PLOD1: variants seen among roughly 807,000 people sequenced by gnomAD.
PLOD1 encodes the protein procollagen-lysine,2-oxoglutarate 5-dioxygenase 1.
Under a neutral mutation model 94.7 loss-of-function variants are expected in PLOD1, and 70 were observed. The ratio of observed to expected loss-of-function variants is 0.74; its 90% CI spans 0.61 to 0.90. PLOD1 has a LOEUF of 0.90. Among genes scored for constraint, PLOD1 ranks in the 40% least tolerant of loss-of-function variants. The pLI is 0.00. For missense variants in PLOD1, 905 were observed against 972.7 expected, an observed-to-expected ratio of 0.93 and a Z score of 0.93; for synonymous variants, 417 against 400.2, an observed-to-expected ratio of 1.04 and a Z score of -0.50.
chr1:11,944,434 C>CACAA lies in PLOD1; in HGVS notation c.77-3539_77-3538insAACA, dbSNP rs1399456596. On this transcript the variant is annotated intron_variant, in intron 1 of 18. Coordinates refer to ENST00000196061, the MANE Select transcript of PLOD1 (RefSeq NM_000302.4). Reference sequence around the variant, plus strand: ...GCGCATGCACGCGTACACACACACACACACACACACACACACACACTCACT... The same window carrying CACAA: ...GCGCATGCACGCGTACACACACACACACAAACACACACACACACACACACTCACT... 54 of 785,696 alleles carry CACAA rather than the reference C, an allele frequency of 6.9e-5. No individual in the cohort carries two copies. The East Asian group carries it at 9.2e-4, about 13-fold the overall frequency. 48.7% of individuals were successfully genotyped at this position (785,696 alleles called of 1,614,324 possible).
chr1:11,939,067 C>T (rs7513651), intron 1 of PLOD1, among the ~76,000 whole-genome samples: 9,639 of 152,274 alleles, frequency 0.063, 358 homozygotes, highest in East Asian at 0.084. Flanking sequence ...AGATCTCCAG[C>T]TCCTGCCTTT....
At chr1:11,936,851 C>CTTTT (rs111736832) in intron 1 of PLOD1, among the ~76,000 whole-genome samples, 35 of 141,014 alleles carry the variant, frequency 2.5e-4, no homozygotes, top group African/African-American at 8.4e-4. Flanking sequence ...TCTTTTCTTT[C>CTTTT]TTTTTTTTTT....
intron 1 of PLOD1, among the ~76,000 whole-genome samples, chr1:11,936,430 C>T (rs1449121659): frequency 6.6e-6 from 1 of 151,634 alleles, no homozygotes; most frequent in African/African-American, 2.4e-5. Context: ...TCTCCTCCTT[C>T]AGCTTACCCT....
chr1:11,949,691 A>G, intron 2 of PLOD1, 82 bp from the exon 3 acceptor site: 3 of 1,465,016 alleles, frequency 2.0e-6, no homozygotes, highest in African/African-American at 1.4e-5. Flanking sequence ...AAGTGCTGGG[A>G]TTACCAGCAT....
Position 11,970,709 on chromosome 1 carries a change from A to C in PLOD1, c.1795A>C (p.Ile599Leu), listed in dbSNP as rs1205456087. The change falls in exon 17 of 19, where the codon ATT becomes CTT. Residue 599 changes from isoleucine to leucine, a missense_variant. Transcript: ENST00000196061. Reference sequence around the variant, plus strand: ...GGGTGGCTACGAGAACGTGCCGACTATTGACATCCACATGAACCAGATCGG... The same window carrying C: ...GGGTGGCTACGAGAACGTGCCGACTCTTGACATCCACATGAACCAGATCGG... ...IQGGYENVPT[I>L]DIHMNQIGFE... 6.2e-7 allele frequency: 1 copy of C among 1,612,936 alleles called. No homozygotes were observed. The highest frequency in any genetic ancestry group is 1.3e-5 in the African/African-American group (1 of 74,626).
intron 1 of PLOD1, among the ~76,000 whole-genome samples, chr1:11,942,321 C>G (rs938393140): frequency 6.6e-6 from 1 of 152,136 alleles, no homozygotes; most frequent in African/African-American, 2.4e-5. Context: ...CCAGAATGTA[C>G]AGTGTGTCTT....
chr1:11,968,443 C>T lies in PLOD1; in HGVS notation c.1755+1352C>T, dbSNP rs968791011. Among the ~76,000 whole-genome samples the T allele has an allele frequency of 3.4e-4, 51 of 151,998 alleles. 1 individual carries two copies. Among genetic ancestry groups the T allele is most frequent in the Non-Finnish European group, 2.2e-4 (15 of 68,012 alleles). On this transcript the variant is annotated intron_variant, in intron 16 of 18. Transcript: ENST00000196061. ...AGAGAAACTGCAGAAAGGAATTTTTCGTCTCCTGACAGTTTTACAACATTC... is the reference window on the plus strand; with the variant it reads ...AGAGAAACTGCAGAAAGGAATTTTTTGTCTCCTGACAGTTTTACAACATTC...
chr1:11,954,716 G>C (rs899265667), intron 5 of PLOD1, 114 bp from the exon 6 acceptor site: 2 of 843,616 alleles, frequency 2.4e-6, no homozygotes, highest in Admixed American at 3.4e-5. Context: ...TGGCAGAGTC[G>C]GTGTGGGGAA....
chr1:11,941,170 A>G (rs1407335007), intron 1 of PLOD1, among the ~76,000 whole-genome samples: 6 of 152,238 alleles, frequency 3.9e-5, no homozygotes, highest in Non-Finnish European at 5.9e-5. Flanking sequence ...AACATGCCTC[A>G]TACAGCACAC....
At chr1:11,964,061 T>G (rs1645798169) in intron 11 of PLOD1, 114 bp from the exon 12 acceptor site, 2 of 1,094,392 alleles carry the variant, frequency 1.8e-6, no homozygotes. Context: ...AGTGAGGTGC[T>G]TGGGGATCCC....
rs111398100 is a variant in PLOD1 at position 11,960,769 on chromosome 1, T to A, written c.1097+2T>A. 1.2e-6 allele frequency: 2 copies of A among 1,612,194 alleles called. No individual in the cohort carries two copies. Among genetic ancestry groups the A allele is most frequent in the Non-Finnish European group, 1.7e-6 (2 of 1,179,828 alleles). ...TGCAGATGCCAGGAACATGGGCGCGTGAGTTGTGGGCCACAGTACTCTCCA... is the reference window on the plus strand; with the variant it reads ...TGCAGATGCCAGGAACATGGGCGCGAGAGTTGTGGGCCACAGTACTCTCCA... On this transcript the variant is annotated splice_donor_variant, in intron 10 of 18. Coordinates refer to ENST00000196061, the MANE Select transcript of PLOD1 (RefSeq NM_000302.4). LOFTEE classifies it high-confidence loss of function.
intron 1 of PLOD1, among the ~76,000 whole-genome samples, chr1:11,936,213 C>T (rs7521172): frequency 0.084 from 12,775 of 151,940 alleles, 624 homozygotes; most frequent in African/African-American, 0.14. Context: ...GTGGTTGGTC[C>T]GAGGTCAGCT....
chr1:11,957,897 G>A lies in PLOD1; in HGVS notation c.797G>A (p.Gly266Asp), dbSNP rs558752942. ...CCGCGCTTCTGGACCTTCGAAACAG[G>A]CTGCACCGTGTGTGACGAAGGCTTG... is the stretch of plus-strand genomic sequence containing the variant. ...YIPRFWTFET[G>D]CTVCDEGLRS... is the part of the protein sequence containing the mutation. Residue 266 changes from glycine (G) to aspartate (D), a missense_variant, in exon 8 of 19, where the codon GGC (glycine) becomes GAC (aspartate). Transcript: ENST00000196061. This position sits in a 1 kb window ranked among gnomAD's most constrained non-coding sequence, Gnocchi z 4.1. 14 of 1,614,078 alleles carry A rather than the reference G, an allele frequency of 8.7e-6. No individual in the cohort carries two copies. The East Asian group carries it at 2.5e-4, about 28-fold the overall frequency.
In PLOD1 at chr1:11,960,656, A is replaced by G. The variant is rs944966464; in HGVS notation, c.986A>G (p.His329Arg). The change falls in exon 10 of 19, where the codon CAC becomes CGC. Residue 329 changes from histidine to arginine, a missense_variant. Physicochemically the swap from His to Arg is conservative, Grantham distance 29 (BLOSUM62 0). Transcript: ENST00000196061. ...RLFIHNHEQH[H>R]KAQVEEFLAQ... ...CATCCCCAACCCCAGGAGCAGCACC[A>G]CAAGGCTCAGGTGGAAGAGTTCCTG... The G allele has an allele frequency of 3.1e-6, 5 of 1,602,550 alleles. No homozygotes were observed. In the African/African-American group the frequency reaches 4.0e-5, roughly 13 times the overall value.
In PLOD1 at chr1:11,947,134, T is replaced by C. The variant is rs897592372; in HGVS notation, c.77-842T>C. 2.0e-5 allele frequency among the ~76,000 whole-genome samples: 3 copies of C among 151,578 alleles called. No homozygotes were observed. In the South Asian group the frequency reaches 6.2e-4, roughly 32 times the overall value. ...AAATACAAAAATTAGCTGGGCATGG[T>C]GGCGAGTGCCTGTAGTCCCAGCTAC... is the stretch of plus-strand genomic sequence containing the variant. On this transcript the variant is annotated intron_variant, in intron 1 of 18. Transcript: ENST00000196061.
At chr1:11,964,341 A>C in intron 12 of PLOD1, 41 bp downstream of exon 12, 1 of 1,581,580 alleles carries the variant, frequency 6.3e-7, no homozygotes, top group Non-Finnish European at 8.7e-7. Context: ...GGACACCTTC[A>C]TCTGGCTTCT....
chr1:11,947,859 G>T, intron 1 of PLOD1, 117 bp from the exon 2 acceptor site: 1 of 744,766 alleles, frequency 1.3e-6, no homozygotes, highest in East Asian at 2.5e-5. Flanking sequence ...GTTCTGTAAT[G>T]GGTTGACATG....
intron 1 of PLOD1, chr1:11,944,707 C>G: frequency 1.6e-6 from 2 of 1,250,684 alleles, no homozygotes; most frequent in Non-Finnish European, 2.1e-6. Context: ...GTATCCACCC[C>G]CTCCTCCCCC....
intron 10 of PLOD1, among the ~76,000 whole-genome samples, chr1:11,962,274 C>CTTTTTTTTTTTTTTTTTTTT (rs780613164): frequency 1.6e-4 from 16 of 99,090 alleles, no homozygotes; most frequent in Non-Finnish European, 2.8e-4. Context: ...TTTTTGTTTT[C>CTTTTTTTTTTTTTTTTTTTT]TTTTTTTTTT....
Sources: gnomAD v4.1 joint callset for allele counts (sites outside exome capture counted in the v4.1 genomes callset) on GRCh38, gnomAD v4.1.1 for gene constraint, Gnocchi (gnomAD v3.1) non-coding constraint, MANE v1.5 for transcripts, NCBI Gene and HGNC (gene_info 2026-07-23, HGNC 2026-07-21) for gene names.